The following TBC1D1 variants were observed in gnomAD, a reference collection of about 807,000 sequenced individuals.
TBC1D1 encodes TBC1 domain family member 1, also known as TBC1 (tre-2/USP6, BUB2, cdc16) domain family, member 1.
Under a neutral mutation model 125.6 loss-of-function variants are expected in TBC1D1, and 89 were observed. The ratio of observed to expected loss-of-function variants is 0.71; its 90% CI spans 0.60 to 0.85. The LOEUF (loss-of-function observed/expected upper bound fraction) is 0.85. Ranked by LOEUF, TBC1D1 falls within the 40% of genes least tolerant of loss-of-function variation. The pLI is 0.00. For synonymous variants in TBC1D1, 565 were observed against 564.1 expected, an observed-to-expected ratio of 1.00 and a Z score of -0.02; for missense variants, 1,377 against 1,469.2, an observed-to-expected ratio of 0.94 and a Z score of 1.03.
intron 2 of TBC1D1, among the ~76,000 whole-genome samples, chr4:38,012,317 G>A (rs1560614748): frequency 6.6e-6 from 1 of 152,144 alleles, no homozygotes; most frequent in South Asian, 2.1e-4. Flanking sequence ...CAAGGTCTCA[G>A]TCACCCAGGC....
intron 12 of TBC1D1, among the ~76,000 whole-genome samples, chr4:38,067,823 A>T (rs1754001058): frequency 6.6e-6 from 1 of 152,166 alleles, no homozygotes; most frequent in South Asian, 2.1e-4. Flanking sequence ...CCGAGTTTCC[A>T]TTCACTTGTG....
intron 2 of TBC1D1, among the ~76,000 whole-genome samples, chr4:37,985,951 C>T (rs74327246): frequency 0.039 from 5,962 of 151,396 alleles, 111 homozygotes; most frequent in Non-Finnish European, 0.046. Flanking sequence ...TGAGGAAATA[C>T]TACTGGTAGT....
chr4:38,136,993 C>A, intron 19 of TBC1D1, 142 bp from the exon 22 acceptor site: 3 of 1,392,872 alleles, frequency 2.2e-6, no homozygotes, highest in Non-Finnish European at 2.0e-6. Flanking sequence ...TCCTGTGTGG[C>A]CAGAACTGAT....
chr4:38,075,832 G>A (rs560446496), intron 12 of TBC1D1, among the ~76,000 whole-genome samples: 2 of 152,254 alleles, frequency 1.3e-5, no homozygotes, highest in South Asian at 2.1e-4. Context: ...CCCCCATCAC[G>A]GTTTTCTTGA....
rs188755230 is a variant in TBC1D1, at chr4:38,136,494, T to C, written c.3307-641T>C. Among the ~76,000 whole-genome samples, 7 of 152,336 alleles carry C rather than the reference T, an allele frequency of 4.6e-5. No individual in the cohort carries two copies. The East Asian group carries it at 1.4e-3, about 29-fold the overall frequency. On this transcript the variant is annotated intron_variant, in intron 19 of 19. Transcript: ENST00000261439. ...TTGTTCCTCTAGACATCACTAACTT[T>C]ACACAGTAGCTTTAGATGGCGTGGA...
intron 2 of TBC1D1, among the ~76,000 whole-genome samples, chr4:37,920,104 C>T (rs897537019): frequency 2.4e-4 from 36 of 152,208 alleles, no homozygotes; most frequent in African/African-American, 8.2e-4. Flanking sequence ...AAGAGTGAGA[C>T]TCCGTCTCAA....
At chr4:37,960,668 T>C in intron 2 of TBC1D1, 1 of 1,614,160 alleles carries the variant, frequency 6.2e-7, no homozygotes, top group South Asian at 1.1e-5. Context: ...TAAAGACCAA[T>C]GGACCCAGAA....
At chr4:37,998,258 CT>C (rs1738254871) in intron 2 of TBC1D1, among the ~76,000 whole-genome samples, 1 of 152,222 alleles carries the variant, frequency 6.6e-6, no homozygotes, top group Non-Finnish European at 1.5e-5. Context: ...TACAAGACCC[CT>C]GTCTCCAGCG....
At chr4:38,092,003 A>T (rs1758505729) in intron 13 of TBC1D1, among the ~76,000 whole-genome samples, 1 of 152,372 alleles carries the variant, frequency 6.6e-6, no homozygotes, top group East Asian at 1.9e-4. Context: ...AAACTTGCTT[A>T]ATATAATGTT....
intron 14 of TBC1D1, among the ~76,000 whole-genome samples, chr4:38,096,396 T>G (rs1424074359): frequency 6.6e-6 from 1 of 152,220 alleles, no homozygotes; most frequent in African/African-American, 2.4e-5. Context: ...AACTAGAAAC[T>G]AATTGTATGG....
At chr4:38,117,482 T>A (rs1365718911) in intron 16 of TBC1D1, among the ~76,000 whole-genome samples, 3 of 152,236 alleles carry the variant, frequency 2.0e-5, no homozygotes, top group Non-Finnish European at 4.4e-5. Flanking sequence ...CTTGTCTTCT[T>A]GTTTTAACTT....
Position 38,053,100 on chromosome 4 carries a change from T to C in TBC1D1, c.1911-1099T>C. ...TCCTAAACTCTTTTTTCAACCAAACTCTTAGCATCTCCTACCGTAATGCCC... is the reference window on the plus strand; with the variant it reads ...TCCTAAACTCTTTTTTCAACCAAACCCTTAGCATCTCCTACCGTAATGCCC... On this transcript the variant is annotated intron_variant, in intron 11 of 19. Transcript: ENST00000261439. The C allele has an allele frequency of 1.4e-6, 2 of 1,445,386 alleles. No homozygotes were observed. The highest frequency in any genetic ancestry group is 1.8e-6 in the Non-Finnish European group (2 of 1,099,030). The allele number at this position is 1,445,386 out of a possible 1,614,324, so 89.5% of individuals were successfully genotyped here.
At chr4:37,952,152 C>G (rs968980078) in intron 2 of TBC1D1, 1 of 709,632 alleles carries the variant, frequency 1.4e-6, no homozygotes, top group African/African-American at 1.8e-5. Context: ...CCAGCAGCTT[C>G]TAGTTCATCC....
intron 10 of TBC1D1, among the ~76,000 whole-genome samples, chr4:38,048,594 C>T (rs1304640485): frequency 7.6e-5 from 10 of 132,026 alleles, no homozygotes; most frequent in Non-Finnish European, 1.6e-4. Flanking sequence ...CTAAAAGGCA[C>T]TCAACTGTGT....
intron 8 of TBC1D1, among the ~76,000 whole-genome samples, chr4:38,038,191 T>C (rs1044325062): frequency 6.6e-6 from 1 of 152,210 alleles, no homozygotes; most frequent in African/African-American, 2.4e-5. Flanking sequence ...ATCTTAATTA[T>C]TGTGTGTTTT....
intron 12 of TBC1D1, among the ~76,000 whole-genome samples, chr4:38,078,464 A>G (rs1290239508): frequency 1.3e-5 from 2 of 152,128 alleles, no homozygotes; most frequent in Admixed American, 1.3e-4. Flanking sequence ...TGTCCCCCCA[A>G]AATTCCTATG....
intron 2 of TBC1D1, among the ~76,000 whole-genome samples, chr4:37,932,415 C>T (rs886170059): frequency 6.6e-6 from 1 of 152,086 alleles, no homozygotes; most frequent in Non-Finnish European, 1.5e-5. Flanking sequence ...CTCATTGATG[C>T]TTAGAGAAAA....
intron 12 of TBC1D1, among the ~76,000 whole-genome samples, chr4:38,069,323 G>A (rs952852563): frequency 1.3e-5 from 2 of 152,206 alleles, no homozygotes; most frequent in East Asian, 1.9e-4. Flanking sequence ...CTCCTTGTGA[G>A]AGGAAGTTGT....
chr4:37,946,525 T>C (rs1726729765), intron 2 of TBC1D1, among the ~76,000 whole-genome samples: 1 of 152,236 alleles, frequency 6.6e-6, no homozygotes, highest in Non-Finnish European at 1.5e-5. Flanking sequence ...ATTAAAATAA[T>C]GCCCTTGTTT....
Sources: gnomAD v4.1 joint callset for allele counts (sites outside exome capture counted in the v4.1 genomes callset) on GRCh38, gnomAD v4.1.1 for gene constraint, MANE v1.5 for transcripts, NCBI Gene and HGNC (gene_info 2026-07-23, HGNC 2026-07-21) for gene names.